Variants in EYS observed in about 807,000 individuals in gnomAD.
EYS encodes protein eyes shut homolog.
Under a neutral mutation model 282.1 loss-of-function variants are expected in EYS, and 250 were observed. The observed-to-expected ratio is 0.89, with a 90% CI of 0.80 to 0.98. EYS has a LOEUF of 0.98. Among genes scored for constraint, EYS ranks in the 50% least tolerant of loss-of-function variants. The probability of loss-of-function intolerance (pLI) is 0.00; values close to 1 mark genes in which losing one functional copy is unlikely to be tolerated. For missense variants in EYS, 4,016 were observed against 3,709.0 expected (o/e 1.08, Z -2.15); for synonymous variants, 1,355 against 1,282.9 (o/e 1.06, Z -1.20).
chr6:65,443,712 A>G (rs768298039), intron 5 of EYS, among the ~76,000 whole-genome samples: 9 of 54,670 alleles, frequency 1.6e-4, no homozygotes, highest in African/African-American at 2.6e-4. Flanking sequence ...ATGTGCATAT[A>G]CACATATATA....
intron 22 of EYS, among the ~76,000 whole-genome samples, chr6:64,787,525 G>T (rs1774062169): frequency 6.6e-6 from 1 of 151,356 alleles, no homozygotes; most frequent in Non-Finnish European, 1.5e-5. Flanking sequence ...ATTTGAAATG[G>T]TCTCATTATT....
chr6:65,017,128 C>A (rs1203711074), intron 13 of EYS, among the ~76,000 whole-genome samples: 1 of 152,136 alleles, frequency 6.6e-6, no homozygotes, highest in Non-Finnish European at 1.5e-5. Flanking sequence ...GGACAAATTT[C>A]TTCTCAAATC....
chr6:65,088,735 G>C (rs189001593), intron 12 of EYS, among the ~76,000 whole-genome samples: 3 of 152,112 alleles, frequency 2.0e-5, no homozygotes, highest in Non-Finnish European at 4.4e-5. Context: ...ATGGGGTAAC[G>C]TCTCCAGGGT....
At chr6:65,398,853 AT>A (rs1263544454) in intron 7 of EYS, among the ~76,000 whole-genome samples, 2 of 151,968 alleles carry the variant, frequency 1.3e-5, no homozygotes, top group African/African-American at 2.4e-5. Context: ...CTTTCTACAG[AT>A]TTTTCCATTT....
intron 40 of EYS, among the ~76,000 whole-genome samples, chr6:63,764,100 C>T (rs1194453368): frequency 6.6e-6 from 1 of 151,490 alleles, no homozygotes; most frequent in African/African-American, 2.4e-5. Context: ...AAATTCCTGT[C>T]AGAGCCAGAG....
At chr6:64,073,065 C>A (rs1054745322) in intron 32 of EYS, among the ~76,000 whole-genome samples, 1 of 151,824 alleles carries the variant, frequency 6.6e-6, no homozygotes, top group Non-Finnish European at 1.5e-5. Flanking sequence ...ATACCAACAT[C>A]CCATTATGGA....
In EYS at chr6:64,925,200, C is replaced by T. The variant is rs552791829; in HGVS notation, c.2382-12457G>A. Among the ~76,000 whole-genome samples the T allele has an allele frequency of 8.5e-5, 13 of 152,206 alleles. No individual in the cohort carries two copies. The South Asian group carries it at 1.7e-3, about 19-fold the overall frequency. ...GAGAATAATGAGGAAGAAGCAAAAG[C>T]GAAAACCCCTGGTAAACCCGTCAGA... On this transcript the variant is annotated intron_variant, in intron 15 of 42. Transcript: ENST00000503581.
At chr6:63,949,810 A>T (rs1765514696) in intron 35 of EYS, among the ~76,000 whole-genome samples, 2 of 152,224 alleles carry the variant, frequency 1.3e-5, no homozygotes, top group African/African-American at 4.8e-5. Context: ...ACCAACCAAA[A>T]TGTCATTTGC....
intron 30 of EYS, among the ~76,000 whole-genome samples, chr6:64,299,588 T>G (rs907371982): frequency 2.0e-5 from 3 of 152,190 alleles, no homozygotes; most frequent in African/African-American, 7.2e-5. Flanking sequence ...ATTTCCAAGT[T>G]CACAGGGATT....
intron 26 of EYS, among the ~76,000 whole-genome samples, chr6:64,445,444 G>A (rs1441037640): frequency 6.6e-6 from 1 of 152,008 alleles, no homozygotes; most frequent in Non-Finnish European, 1.5e-5. Flanking sequence ...GAATTGTATG[G>A]ATTCATATTA....
intron 12 of EYS, among the ~76,000 whole-genome samples, chr6:65,110,553 C>T (rs1462941869): frequency 1.3e-5 from 2 of 151,968 alleles, no homozygotes; most frequent in Non-Finnish European, 2.9e-5. Context: ...TGGCATAGAG[C>T]TTTCCAGACA....
chr6:64,702,626 C>A (rs575317627), intron 22 of EYS, among the ~76,000 whole-genome samples: 6 of 152,126 alleles, frequency 3.9e-5, no homozygotes, highest in African/African-American at 1.4e-4. Flanking sequence ...CTTTCAAAGT[C>A]CTTTCTGTTG....
At chr6:64,157,147 G>T (rs1774954166) in intron 31 of EYS, among the ~76,000 whole-genome samples, 1 of 148,804 alleles carries the variant, frequency 6.7e-6, no homozygotes, top group Admixed American at 6.8e-5. Context: ...TGCGGTGTTT[G>T]GTTTTTTGTT....
At chr6:65,208,806 AG>A (rs11320927) in intron 12 of EYS, among the ~76,000 whole-genome samples, 36,258 of 151,614 alleles carry the variant, frequency 0.24, 4,474 homozygotes, top group Middle Eastern at 0.28. Flanking sequence ...ATATGGTTGG[AG>A]GGGATTGATG....
chr6:64,493,862 G>C (rs9362903), intron 26 of EYS, among the ~76,000 whole-genome samples: 62,642 of 151,150 alleles, frequency 0.41, 13,526 homozygotes, highest in African/African-American at 0.56. Context: ...GAGGTACTGG[G>C]ATGAAAGTAG....
chr6:65,475,764 C>T (rs942277268), intron 5 of EYS, among the ~76,000 whole-genome samples: 1 of 151,594 alleles, frequency 6.6e-6, no homozygotes, highest in African/African-American at 2.4e-5. Flanking sequence ...CAGACACACA[C>T]ACACACACAC....
chr6:65,346,337 A>G (rs971925718), intron 9 of EYS, among the ~76,000 whole-genome samples: 7 of 151,702 alleles, frequency 4.6e-5, no homozygotes, highest in Non-Finnish European at 1.0e-4. Context: ...TAGGCAAAAA[A>G]GAAGAAAATT....
intron 12 of EYS, among the ~76,000 whole-genome samples, chr6:65,292,057 G>T (rs1298562673): frequency 1.3e-5 from 2 of 151,548 alleles, no homozygotes; most frequent in Non-Finnish European, 3.0e-5. Context: ...TGAATTTAAG[G>T]CACAACCCCG....
intron 24 of EYS, among the ~76,000 whole-genome samples, chr6:64,594,573 C>G (rs1398321066): frequency 2.0e-5 from 3 of 151,542 alleles, no homozygotes; most frequent in African/African-American, 4.9e-5. Context: ...CCATCATTCT[C>G]AGCAAACTAT....
Sources: allele counts gnomAD v4.1 joint callset (sites outside exome capture counted in the v4.1 genomes callset), GRCh38; gene constraint gnomAD v4.1.1; transcripts MANE v1.5; gene names NCBI Gene and HGNC (gene_info 2026-07-23, HGNC 2026-07-21).